PCDHGA5: variants seen among roughly 807,000 people sequenced by gnomAD.
PCDHGA5 encodes protocadherin gamma subfamily A, 5.
Under a neutral mutation model 56.7 loss-of-function variants are expected in PCDHGA5, and 36 were observed. The observed-to-expected ratio is 0.64, with a 90% CI of 0.49 to 0.84. The LOEUF is 0.84. Ranked by LOEUF, PCDHGA5 falls within the 40% of genes least tolerant of loss-of-function variation. The pLI, the probability that PCDHGA5 is intolerant of heterozygous loss-of-function variation, is 0.00. For missense variants in PCDHGA5, 1,305 were observed against 1,201.5 expected, an observed-to-expected ratio of 1.09 and a Z score of -1.27; for synonymous variants, 563 against 520.2, an observed-to-expected ratio of 1.08 and a Z score of -1.12.
chr5:141,422,151 G>A (rs763343536), intron 1 of PCDHGA5: 1 of 1,575,938 alleles, frequency 6.3e-7, no homozygotes, highest in Admixed American at 2.0e-5. Flanking sequence ...GGGGGTCTCT[G>A]GATTTTGAAA....
rs373961637 is a variant in PCDHGA5 at position 141,366,765 on chromosome 5, T to G, written c.2421+14T>G. 1 of 1,604,708 alleles carries G rather than the reference T, an allele frequency of 6.2e-7. No homozygotes were observed. The highest frequency in any genetic ancestry group is 2.2e-5 in the East Asian group (1 of 44,684). The stretch of plus-strand genomic sequence containing the variant: ...CGGCGAGTTCAGGTTAGTTTTCTCT[T>G]TCGGTAAGGATGACCAGAACATTTT... On this transcript the variant is annotated intron_variant, in intron 1 of 3. Transcript: ENST00000518069.
Position 141,449,530 on chromosome 5 carries a change from A to G in PCDHGA5, c.2422-45277A>G, listed in dbSNP as rs2098641850. On this transcript the variant is annotated intron_variant, in intron 1 of 3. Transcript: ENST00000518069. ...CTTGAACCTGGGAGGCGGAGGTTGC[A>G]GTGAGCCGAGATCGCACCACTGCAC... Among the ~76,000 whole-genome samples, 4 of 149,684 alleles carry G rather than the reference A, an allele frequency of 2.7e-5. No individual in the cohort carries two copies. The South Asian group carries it at 8.5e-4, about 32-fold the overall frequency.
Position 141,405,152 on chromosome 5 carries a change from G to T in PCDHGA5, c.2421+38401G>T, listed in dbSNP as rs550773622. Reference sequence around the variant, plus strand: ...GCGGGCTACCAGTGATGGGTTGGCTGGTGTGCCCACCTCACACTTTGTGGG... The same window carrying T: ...GCGGGCTACCAGTGATGGGTTGGCTTGTGTGCCCACCTCACACTTTGTGGG... On this transcript the variant is annotated intron_variant, in intron 1 of 3. Transcript: ENST00000518069. 180 of 1,613,896 alleles carry T rather than the reference G, an allele frequency of 1.1e-4. 1 individual carries two copies. In the South Asian group the frequency reaches 1.9e-3, roughly 17 times the overall value.
chr5:141,490,106 T>C lies in PCDHGA5; in HGVS notation c.2422-4701T>C, dbSNP rs1314489019. On this transcript the variant is annotated intron_variant, in intron 1 of 3. Coordinates refer to ENST00000518069, the MANE Select transcript of PCDHGA5 (RefSeq NM_018918.3). The surrounding 1 kb of genome is among the most constrained non-coding windows in gnomAD (Gnocchi z 5.4). ...TTTGGAGACCACACATCTGAGGCAG[T>C]GCGGAACCTCTTTGGCCTAGACCCT... 2.5e-6 allele frequency: 4 copies of C among 1,614,246 alleles called. No homozygotes were observed. Among genetic ancestry groups the C allele is most frequent in the South Asian group, 1.1e-5 (1 of 91,086 alleles).
chr5:141,368,244 T>G (rs1016552199), intron 1 of PCDHGA5, among the ~76,000 whole-genome samples: 4 of 152,156 alleles, frequency 2.6e-5, no homozygotes, highest in Non-Finnish European at 5.9e-5. Flanking sequence ...CTCAACCACA[T>G]GAAAGGTTAA....
chr5:141,469,821 G>GTCAC (rs2099212195), intron 1 of PCDHGA5, among the ~76,000 whole-genome samples: 1 of 152,028 alleles, frequency 6.6e-6, no homozygotes, highest in African/African-American at 2.4e-5. Flanking sequence ...TAGAATGGAG[G>GTCAC]TCACATAAAA....
chr5:141,390,118 C>G, intron 1 of PCDHGA5: 2 of 1,614,036 alleles, frequency 1.2e-6, no homozygotes, highest in Non-Finnish European at 1.7e-6. Context: ...AGCGAGGGGA[C>G]TTTGCCTTAT....
At position 141,487,421 on chromosome 5, in the gene PCDHGA5, C is replaced by A. The variant is rs1365581881; in HGVS notation, c.2422-7386C>A. On this transcript the variant is annotated intron_variant, in intron 1 of 3. Coordinates refer to ENST00000518069, the MANE Select transcript of PCDHGA5 (RefSeq NM_018918.3). This position sits in a 1 kb window ranked among gnomAD's most constrained non-coding sequence, Gnocchi z 5.0. ...GGGGCTTCCCCCTTCCAATGGGATC[C>A]TCCGAATCCAGCTAGGGTCAGATGA... 2 of 1,614,026 alleles carry A rather than the reference C, an allele frequency of 1.2e-6. No individual in the cohort carries two copies. Among genetic ancestry groups the A allele is most frequent in the South Asian group, 1.1e-5 (1 of 91,086 alleles).
At chr5:141,503,099 C>T (rs1286557930) in intron 2 of PCDHGA5, among the ~76,000 whole-genome samples, 1 of 151,884 alleles carries the variant, frequency 6.6e-6, no homozygotes, top group Non-Finnish European at 1.5e-5. Context: ...GTGGTCTGCC[C>T]GCCCCTGCCT....
At chr5:141,378,598 G>C (rs1374032317) in intron 1 of PCDHGA5, 4 of 152,136 alleles carry the variant, frequency 2.6e-5, no homozygotes, top group Admixed American at 6.5e-5. Context: ...TCTGCTTACA[G>C]GACATATCTC....
At chr5:141,376,323 G>T in intron 1 of PCDHGA5, 1 of 1,614,162 alleles carries the variant, frequency 6.2e-7, no homozygotes, top group South Asian at 1.1e-5. Flanking sequence ...GAAGGGGTTC[G>T]GGCTTTCCTG....
intron 1 of PCDHGA5, chr5:141,392,852 G>C: frequency 6.2e-7 from 1 of 1,611,984 alleles, no homozygotes; most frequent in East Asian, 2.2e-5. Flanking sequence ...GCGGCGAGCT[G>C]ATCCTGCTGT....
At chr5:141,398,555 G>A in intron 1 of PCDHGA5, 1 of 1,613,934 alleles carries the variant, frequency 6.2e-7, no homozygotes, top group Non-Finnish European at 8.5e-7. Context: ...CTGCAAATAA[G>A]TGAGTCTGCA....
chr5:141,391,964 A>G (rs917564747), intron 1 of PCDHGA5: 3 of 152,232 alleles, frequency 2.0e-5, no homozygotes, highest in Non-Finnish European at 2.9e-5. Flanking sequence ...AAACAATGTA[A>G]ATAAAATAGC....
At position 141,489,947 on chromosome 5, in the gene PCDHGA5, A is replaced by G. The variant is rs368977481; in HGVS notation, c.2422-4860A>G. The G allele has an allele frequency of 5.4e-5, 87 of 1,614,090 alleles. No individual in the cohort carries two copies. Among genetic ancestry groups the G allele is most frequent in the South Asian group, 6.6e-5 (6 of 91,094 alleles). ...ATCTCTGTCATCGTGCTGGACATCA[A>G]TGATAATGCTCCAACCTTCCAATCC... On this transcript the variant is annotated intron_variant, in intron 1 of 3. Transcript: ENST00000518069. This position sits in a 1 kb window ranked among gnomAD's most constrained non-coding sequence, Gnocchi z 4.5.
chr5:141,388,876 T>C lies in PCDHGA5; in HGVS notation c.2421+22125T>C, dbSNP rs941783342. 6.2e-6 allele frequency: 10 copies of C among 1,613,840 alleles called. No homozygotes were observed. In the African/African-American group the frequency reaches 1.1e-4, roughly 17 times the overall value. On this transcript the variant is annotated intron_variant, in intron 1 of 3. Coordinates refer to ENST00000518069, the MANE Select transcript of PCDHGA5 (RefSeq NM_018918.3). ...GGAGGAATGATTGCGCAATGCACAGTGGAGGTAGAAGTCATAGATGAAAAT... is the reference window on the plus strand; with the variant it reads ...GGAGGAATGATTGCGCAATGCACAGCGGAGGTAGAAGTCATAGATGAAAAT...
chr5:141,372,155 G>A (rs1257582169), intron 1 of PCDHGA5: 1 of 1,613,678 alleles, frequency 6.2e-7, no homozygotes, highest in Admixed American at 1.7e-5. Flanking sequence ...CTGGCTACCT[G>A]GTGACCAAGG....
At chr5:141,417,384 GAAGA>G (rs2096114648) in intron 1 of PCDHGA5, 1 of 154,070 alleles carries the variant, frequency 6.5e-6, no homozygotes, top group African/African-American at 2.4e-5. Context: ...TTTAAATTTT[GAAGA>G]AAAAATATTC....
intron 3 of PCDHGA5, 73 bp from the exon 4 acceptor site, chr5:141,510,874 G>C: frequency 6.2e-7 from 1 of 1,610,126 alleles, no homozygotes; most frequent in Non-Finnish European, 8.5e-7. Context: ...TTCATTAACT[G>C]CTGGGGATAT....
Sources: allele counts gnomAD v4.1 joint callset (sites outside exome capture counted in the v4.1 genomes callset), GRCh38; gene constraint gnomAD v4.1.1; non-coding constraint Gnocchi (gnomAD v3.1); transcripts MANE v1.5; gene names NCBI Gene and HGNC (gene_info 2026-07-23, HGNC 2026-07-21).